KLF13: variants seen among roughly 807,000 people sequenced by gnomAD.
KLF13 encodes the protein Krueppel-like factor 13.
In KLF13, 8 loss-of-function variants were observed where a neutral mutation model predicts 16.7. The observed-to-expected ratio is 0.48, with a 90% CI of 0.28 to 0.87. The LOEUF (loss-of-function observed/expected upper bound fraction) is 0.87. Ranked by LOEUF, KLF13 falls within the 40% of genes least tolerant of loss-of-function variation. The pLI is 0.10. For missense variants in KLF13, 447 were observed against 452.2 expected (o/e 0.99, Z 0.10); for synonymous variants, 245 against 208.4 (o/e 1.18, Z -1.51).
intron 1 of KLF13, among the ~76,000 whole-genome samples, chr15:31,370,142 A>G (rs955237356): frequency 7.0e-6 from 1 of 142,228 alleles, no homozygotes; most frequent in African/African-American, 2.7e-5. Context: ...ACTTGATTGT[A>G]ATTGTCGTGT....
At chr15:31,388,498 C>T (rs1207490145), upstream of KLF13, among the ~76,000 whole-genome samples, 1 of 151,464 alleles carries the variant, frequency 6.6e-6, no homozygotes, top group South Asian at 2.1e-4. Flanking sequence ...CCTATAATCC[C>T]TCTCAGCTAC....
intron 1 of KLF13, among the ~76,000 whole-genome samples, chr15:31,363,177 A>G (rs1026794586): frequency 2.6e-5 from 4 of 152,242 alleles, no homozygotes; most frequent in Non-Finnish European, 4.4e-5. Flanking sequence ...CAGCCTCACC[A>G]AGGTGATAAG....
intron 2 of KLF13, among the ~76,000 whole-genome samples, chr15:31,396,824 C>A (rs1037123889): frequency 1.3e-5 from 2 of 152,068 alleles, no homozygotes; most frequent in African/African-American, 4.8e-5. Context: ...CAGTCTAGTC[C>A]CTAGGCAGGA....
At chr15:31,342,523 G>A (rs1300300294) in intron 1 of KLF13, among the ~76,000 whole-genome samples, 1 of 152,194 alleles carries the variant, frequency 6.6e-6, no homozygotes, top group African/African-American at 2.4e-5. Flanking sequence ...CTTCAAGTGG[G>A]GCGAGCTCAT....
chr15:31,344,051 CAG>C (rs960832664), intron 1 of KLF13, among the ~76,000 whole-genome samples: 1 of 152,178 alleles, frequency 6.6e-6, no homozygotes, highest in African/African-American at 2.4e-5. Flanking sequence ...GCCTGGCTGT[CAG>C]GGGTGACTTT....
intron 2 of KLF13, among the ~76,000 whole-genome samples, chr15:31,400,657 C>A (rs967125391): frequency 4.6e-5 from 7 of 151,672 alleles, no homozygotes; most frequent in Non-Finnish European, 1.0e-4. Flanking sequence ...GGTGGCAGGC[C>A]CCAACTTGGG....
At chr15:31,386,046 G>C (rs2039792472) in intron 1 of KLF13, among the ~76,000 whole-genome samples, 1 of 152,196 alleles carries the variant, frequency 6.6e-6, no homozygotes, top group African/African-American at 2.4e-5. Flanking sequence ...CAGTGGCTTG[G>C]ATAGAAGATC....
intron 1 of KLF13, among the ~76,000 whole-genome samples, chr15:31,363,213 TC>T (rs1294316435): frequency 2.6e-5 from 4 of 152,268 alleles, no homozygotes; most frequent in African/African-American, 7.2e-5. Context: ...TCAGTGTGTC[TC>T]ATCTGCCATT....
downstream of KLF13, among the ~76,000 whole-genome samples, chr15:31,405,212 G>T (rs1361216107): frequency 6.6e-6 from 1 of 152,188 alleles, no homozygotes; most frequent in African/African-American, 2.4e-5. Flanking sequence ...TACTCTGGAG[G>T]CTGAGGCAGG....
Position 31,372,395 on chromosome 15 carries a change from T to C in KLF13, c.*96T>C, listed in dbSNP as rs2039569059. On this transcript the variant is annotated 3_prime_UTR_variant, in exon 2 of 2. Transcript: ENST00000307145. ...AGAAGAGAGAGAACTTGATGCAAAG[T>C]CCACGAAAAAACAATTTTTTTCACC... 1.7e-5 allele frequency: 22 copies of C among 1,289,948 alleles called. 1 individual carries two copies. The South Asian group carries it at 4.7e-4, about 28-fold the overall frequency. The allele number at this position is 1,289,948 out of a possible 1,614,324, so 79.9% of individuals were successfully genotyped here. A position where few individuals can be genotyped will look rare whatever the true frequency, so the allele number is the denominator to read the frequency against.
chr15:31,379,078 C>T (rs145762148), downstream of KLF13, among the ~76,000 whole-genome samples: 2 of 152,254 alleles, frequency 1.3e-5, no homozygotes, highest in African/African-American at 4.8e-5. Flanking sequence ...GTGTTACTAA[C>T]AAATACAGGC....
intron 1 of KLF13, chr15:31,339,947 G>A: frequency 1.4e-6 from 1 of 702,402 alleles, no homozygotes; most frequent in Non-Finnish European, 2.6e-6. Context: ...CCCACCCATG[G>A]ATTATCTTGT....
chr15:31,372,616 T>G lies in KLF13; in HGVS notation c.*317T>G. ...CTGCCGCCTTACTCTGTACATAGAT[T>G]TGCACTCTGGAGTTTTCTGTTAGGT... On this transcript the variant is annotated 3_prime_UTR_variant, in exon 2 of 2. Transcript: ENST00000307145. 1 of 322,362 alleles carries G rather than the reference T, an allele frequency of 3.1e-6. No homozygotes were observed. The allele number at this position is 322,362 out of a possible 1,614,324, so 20.0% of individuals were successfully genotyped here.
chr15:31,337,270 G>A (rs1362122739), intron 1 of KLF13, among the ~76,000 whole-genome samples: 1 of 152,202 alleles, frequency 6.6e-6, no homozygotes, highest in Non-Finnish European at 1.5e-5. Context: ...CACGTGGAAG[G>A]TTTCTCCTGT....
At chr15:31,360,825 A>G (rs2140956234) in intron 1 of KLF13, among the ~76,000 whole-genome samples, 1 of 152,336 alleles carries the variant, frequency 6.6e-6, no homozygotes, top group Non-Finnish European at 1.5e-5. Flanking sequence ...ACCCTGAAGA[A>G]TACATTGTTT....
chr15:31,388,381 G>C (rs1446400335), upstream of KLF13, among the ~76,000 whole-genome samples: 1 of 152,090 alleles, frequency 6.6e-6, no homozygotes, highest in Non-Finnish European at 1.5e-5. Flanking sequence ...GGAGGCTGAG[G>C]AGGGCAGATC....
chr15:31,349,392 G>A (rs981034089), intron 1 of KLF13, among the ~76,000 whole-genome samples: 17 of 152,240 alleles, frequency 1.1e-4, no homozygotes, highest in Admixed American at 6.5e-5. Context: ...CACATGGGAG[G>A]CGGGTGCCCT....
chr15:31,383,894 T>C (rs1236613550), intron 1 of KLF13, among the ~76,000 whole-genome samples: 2 of 151,094 alleles, frequency 1.3e-5, no homozygotes, highest in Non-Finnish European at 2.9e-5. Flanking sequence ...AGAGCGAGAC[T>C]CCGTCTCAAA....
chr15:31,347,755 A>G (rs1389047339), intron 1 of KLF13, among the ~76,000 whole-genome samples: 7 of 152,190 alleles, frequency 4.6e-5, no homozygotes, highest in Non-Finnish European at 1.0e-4. Flanking sequence ...GGGGGCCCCA[A>G]CCTCTTCTGT....
Sources: allele counts gnomAD v4.1 joint callset (sites outside exome capture counted in the v4.1 genomes callset), GRCh38; gene constraint gnomAD v4.1.1; transcripts MANE v1.5; gene names NCBI Gene and HGNC (gene_info 2026-07-23, HGNC 2026-07-21).